IHO1: variants seen among roughly 807,000 people sequenced by gnomAD.
The protein encoded by IHO1 is interactor of HORMAD1 1, also known as interactor of HORMAD1 protein 1.
In IHO1, 13 loss-of-function variants were observed where a neutral mutation model predicts 31.0. The observed-to-expected ratio is 0.42, with a 90% CI of 0.27 to 0.67. IHO1 has a LOEUF of 0.67. Among genes scored for constraint, IHO1 ranks in the 30% least tolerant of loss-of-function variants. The probability of loss-of-function intolerance (pLI) is 0.24; values close to 1 mark genes in which losing one functional copy is unlikely to be tolerated. For missense variants in IHO1, 599 were observed against 687.5 expected (o/e 0.87, Z 1.44); for synonymous variants, 221 against 248.4 (o/e 0.89, Z 1.04).
chr3:49,202,718 C>G (rs921759425), intron 1 of IHO1, among the ~76,000 whole-genome samples: 6 of 151,840 alleles, frequency 4.0e-5, no homozygotes, highest in Non-Finnish European at 8.8e-5. Context: ...CTCTCTCACC[C>G]AGGCTGGAGT....
chr3:49,229,136 A>G (rs1192783517), intron 2 of IHO1, among the ~76,000 whole-genome samples: 2 of 152,178 alleles, frequency 1.3e-5, no homozygotes, highest in Admixed American at 6.5e-5. Context: ...TGATTGCTGC[A>G]TTTACAGTCC....
At position 49,234,289 on chromosome 3, in the gene IHO1, C is replaced by G. The variant is rs1218953736; in HGVS notation, c.57-2259C>G. Among the ~76,000 whole-genome samples, 2 of 151,130 alleles carry G rather than the reference C, an allele frequency of 1.3e-5. 1 individual carries two copies. The highest frequency in any genetic ancestry group is 2.9e-5 in the Non-Finnish European group (2 of 67,878). ...CCTGGTTCAAGTGATTCTCCTGCCT[C>G]AGCCTCCTGATTAGGTGGGACTGTA... On this transcript the variant is annotated intron_variant, in intron 2 of 7. Transcript: ENST00000452691.
chr3:49,221,367 T>TA (rs2046353967), intron 2 of IHO1, among the ~76,000 whole-genome samples: 2 of 151,286 alleles, frequency 1.3e-5, no homozygotes, highest in Non-Finnish European at 2.9e-5. Flanking sequence ...GATTGGTGCG[T>TA]TTTTTACAGA....
At chr3:49,213,845 GGGAGCTGGCTCTGACCTC>G (rs1324886222) in intron 2 of IHO1, 1 of 196,830 alleles carries the variant, frequency 5.1e-6, no homozygotes, top group Non-Finnish European at 1.1e-5. Flanking sequence ...TGCAAGCAGA[GGGAGCTGGCTCTGACCTC>G]GGCTAGCCCA....
At chr3:49,234,162 GT>G (rs56802492) in intron 2 of IHO1, among the ~76,000 whole-genome samples, 2,269 of 91,948 alleles carry the variant, frequency 0.025, 12 homozygotes, top group African/African-American at 0.07. Context: ...TTTTGTTGTT[GT>G]TTTTTTTTTT....
chr3:49,195,308 G>C (rs2045990452), upstream of IHO1, among the ~76,000 whole-genome samples: 1 of 151,718 alleles, frequency 6.6e-6, no homozygotes, highest in Admixed American at 6.6e-5. Flanking sequence ...TGTAATCCCA[G>C]CTACTTGGGA....
At position 49,256,665 on chromosome 3, in the gene IHO1, G is replaced by A. The variant is rs755079580; in HGVS notation, c.1168G>A (p.Ala390Thr). ...PSDRDLVSQG[A>T]SQLTSLEINF... ...TGACAGGGACCTGGTTTCCCAAGGAGCCTCACAGCTCACATCATTGGAGAT... is the reference window on the plus strand; with the variant it reads ...TGACAGGGACCTGGTTTCCCAAGGAACCTCACAGCTCACATCATTGGAGAT... The change falls in exon 8 of 8, where the codon GCC becomes ACC. Residue 390 changes from alanine (A) to threonine (T), a missense_variant. Physicochemically the swap from Ala to Thr is moderately conservative, Grantham distance 58. Coordinates refer to ENST00000452691, the MANE Select transcript of IHO1 (RefSeq NM_001135197.2). This position sits in a 1 kb window ranked among gnomAD's most constrained non-coding sequence, Gnocchi z 4.6. 1 of 1,614,122 alleles carries A rather than the reference G, an allele frequency of 6.2e-7. No individual in the cohort carries two copies. Among genetic ancestry groups the A allele is most frequent in the African/African-American group, 1.3e-5 (1 of 74,936 alleles).
intron 2 of IHO1, among the ~76,000 whole-genome samples, chr3:49,229,817 G>A (rs2046460359): frequency 6.6e-6 from 1 of 152,102 alleles, no homozygotes; most frequent in Non-Finnish European, 1.5e-5. Context: ...GACAACCTGG[G>A]ACTATTCAAC....
chr3:49,193,199 T>C, the IHO1 span, among the ~76,000 whole-genome samples: 1 of 151,724 alleles, frequency 6.6e-6, no homozygotes, highest in East Asian at 1.9e-4. Flanking sequence ...GGTGAAACTC[T>C]GTCTCTACCA....
At chr3:49,243,975 G>C (rs1040358147) in intron 4 of IHO1, among the ~76,000 whole-genome samples, 24 of 149,362 alleles carry the variant, frequency 1.6e-4, no homozygotes, top group Non-Finnish European at 4.4e-5. Context: ...TTTATTTTGA[G>C]GTGGAGTCTC....
the IHO1 span, among the ~76,000 whole-genome samples, chr3:49,192,933 C>T: frequency 6.6e-6 from 1 of 151,832 alleles, no homozygotes; most frequent in African/African-American, 2.4e-5. Flanking sequence ...TGAATATTCA[C>T]TGTAGCATCT....
intron 2 of IHO1, among the ~76,000 whole-genome samples, chr3:49,225,736 C>G (rs1330081079): frequency 3.3e-5 from 5 of 152,174 alleles, no homozygotes; most frequent in African/African-American, 1.2e-4. Flanking sequence ...GGAGAAATAC[C>G]TGGTTACAGG....
At chr3:49,207,403 G>A (rs1455818484) in intron 1 of IHO1, among the ~76,000 whole-genome samples, 8 of 151,564 alleles carry the variant, frequency 5.3e-5, no homozygotes, top group Admixed American at 2.0e-4. Flanking sequence ...ATGCCACCAC[G>A]CCTAGCTAAT....
chr3:49,237,642 G>C (rs2046575958), intron 3 of IHO1, among the ~76,000 whole-genome samples: 1 of 151,614 alleles, frequency 6.6e-6, no homozygotes, highest in Non-Finnish European at 1.5e-5. Context: ...TCATACTATT[G>C]TTTGTGAGAA....
At chr3:49,202,389 G>C (rs186518200) in intron 1 of IHO1, among the ~76,000 whole-genome samples, 7 of 147,458 alleles carry the variant, frequency 4.7e-5, no homozygotes, top group Non-Finnish European at 1.0e-4. Context: ...GCAGTGGCGC[G>C]ATCTCTGCTC....
At chr3:49,236,774 G>A in intron 3 of IHO1, 52 bp downstream of exon 3, 3 of 1,525,480 alleles carry the variant, frequency 2.0e-6, no homozygotes, top group Non-Finnish European at 2.7e-6. Flanking sequence ...TCATTATGGA[G>A]ATAAACTATA....
intron 2 of IHO1, among the ~76,000 whole-genome samples, chr3:49,219,775 G>A (rs1004993319): frequency 6.6e-6 from 1 of 152,140 alleles, no homozygotes; most frequent in Non-Finnish European, 1.5e-5. Context: ...AGTAAGAAGG[G>A]GAGCTCGGAA....
At chr3:49,197,300 TA>T (rs905290475), upstream of IHO1, among the ~76,000 whole-genome samples, 2 of 150,968 alleles carry the variant, frequency 1.3e-5, no homozygotes, top group South Asian at 2.1e-4. Context: ...CATTTTTACT[TA>T]AAAAAAATGT....
intron 3 of IHO1, among the ~76,000 whole-genome samples, chr3:49,237,228 A>G (rs2046570734): frequency 6.6e-6 from 1 of 152,064 alleles, no homozygotes; most frequent in Non-Finnish European, 1.5e-5. Flanking sequence ...GGCGCCTGTA[A>G]TCCCAGCTAC....
Sources: gnomAD v4.1 joint callset for allele counts (sites outside exome capture counted in the v4.1 genomes callset) on GRCh38, gnomAD v4.1.1 for gene constraint, Gnocchi (gnomAD v3.1) non-coding constraint, MANE v1.5 for transcripts, NCBI Gene and HGNC (gene_info 2026-07-23, HGNC 2026-07-21) for gene names.